KIAA0513: variants seen among roughly 807,000 people sequenced by gnomAD.
KIAA0513 encodes the protein KIAA0513, also known as uncharacterized protein KIAA0513.
In KIAA0513, 39 loss-of-function variants were observed where a neutral mutation model predicts 56.5. That is an observed-to-expected ratio of 0.69 (90% CI 0.53 to 0.90). The LOEUF (loss-of-function observed/expected upper bound fraction) is 0.90, where lower values mean the gene tolerates loss of function less well. Among genes scored for constraint, KIAA0513 ranks in the 40% least tolerant of loss-of-function variants. The pLI, the probability that KIAA0513 is intolerant of heterozygous loss-of-function variation, is 0.00. For synonymous variants in KIAA0513, 268 were observed against 215.6 expected, an observed-to-expected ratio of 1.24 and a Z score of -2.13; for missense variants, 591 against 535.2, an observed-to-expected ratio of 1.10 and a Z score of -1.03.
At chr16:85,058,453 G>C (rs2073359634) in intron 1 of KIAA0513, among the ~76,000 whole-genome samples, 1 of 152,156 alleles carries the variant, frequency 6.6e-6, no homozygotes, top group African/African-American at 2.4e-5. Context: ...AGGAGTTCGA[G>C]ACTAGCCTGA....
chr16:85,084,427 CT>C (rs201358764), intron 10 of KIAA0513, among the ~76,000 whole-genome samples: 35,839 of 93,394 alleles, frequency 0.38, 6,496 homozygotes, highest in Middle Eastern at 0.45. Flanking sequence ...TCTTTTCGTT[CT>C]CTTTTTTTTT....
intron 1 of KIAA0513, among the ~76,000 whole-genome samples, chr16:85,049,552 G>A (rs907120630): frequency 1.3e-5 from 2 of 152,272 alleles, no homozygotes; most frequent in Non-Finnish European, 2.9e-5. Flanking sequence ...TCGAGATAGC[G>A]AGTTCTCATG....
At chr16:85,084,164 C>G (rs2073780741) in intron 10 of KIAA0513, among the ~76,000 whole-genome samples, 1 of 149,554 alleles carries the variant, frequency 6.7e-6, no homozygotes, top group Non-Finnish European at 1.5e-5. Context: ...TGGGTTCAAG[C>G]GATTCTCCTG....
chr16:85,043,931 C>T (rs564319447), intron 1 of KIAA0513, among the ~76,000 whole-genome samples: 2 of 152,144 alleles, frequency 1.3e-5, no homozygotes, highest in African/African-American at 4.8e-5. Flanking sequence ...ACTCGGGAAG[C>T]TAAGGCAGGA....
In KIAA0513 at chr16:85,076,060, C is replaced by A. The variant is rs980168252; in HGVS notation, c.574+146C>A. 4 of 643,424 alleles carry A rather than the reference C, an allele frequency of 6.2e-6. No individual in the cohort carries two copies. The highest frequency in any genetic ancestry group is 2.8e-6 in the Non-Finnish European group (1 of 358,058). The allele number at this position is 643,424 out of a possible 1,614,324, so 39.9% of individuals were successfully genotyped here. Reference sequence around the variant, plus strand: ...AAGCTGATGTTAGGGAGGAGTGAGACTTCGGAGAAAACACAGTCCGAATCA... The same window carrying A: ...AAGCTGATGTTAGGGAGGAGTGAGAATTCGGAGAAAACACAGTCCGAATCA... On this transcript the variant is annotated intron_variant, in intron 5 of 12. Coordinates refer to ENST00000683363, the MANE Select transcript of KIAA0513 (RefSeq NM_001388359.1). This position sits in a 1 kb window ranked among gnomAD's most constrained non-coding sequence, Gnocchi z 4.7.
chr16:85,086,591 G>A (rs2073811302), intron 10 of KIAA0513, 53 bp from the exon 11 acceptor site: 3 of 1,553,914 alleles, frequency 1.9e-6, no homozygotes, highest in Non-Finnish European at 2.6e-6. Flanking sequence ...CGAGGAGCTG[G>A]GGCAAGGACA....
At chr16:85,066,502 A>T (rs1454287260) in intron 1 of KIAA0513, among the ~76,000 whole-genome samples, 1 of 152,118 alleles carries the variant, frequency 6.6e-6, no homozygotes, top group Non-Finnish European at 1.5e-5. Flanking sequence ...TGTCTTCCTC[A>T]GTAGGGAGGT....
chr16:85,086,854 CT>C, intron 11 of KIAA0513, 130 bp downstream of exon 11: 1 of 923,426 alleles, frequency 1.1e-6, no homozygotes, highest in African/African-American at 1.6e-5. Context: ...CACACTTGGC[CT>C]CCATGCCAGC....
intron 1 of KIAA0513, among the ~76,000 whole-genome samples, chr16:85,045,103 G>A (rs1354810289): frequency 6.6e-6 from 1 of 152,020 alleles, no homozygotes; most frequent in Admixed American, 6.5e-5. Flanking sequence ...GGGGGACAGA[G>A]CGAGACTCCG....
intron 1 of KIAA0513, among the ~76,000 whole-genome samples, chr16:85,040,156 G>A (rs1322475526): frequency 2.6e-5 from 4 of 152,208 alleles, no homozygotes; most frequent in African/African-American, 4.8e-5. Context: ...TCAACAGGAA[G>A]CAAGTGCAGA....
chr16:85,086,820 C>T (rs2073814982), intron 11 of KIAA0513, 96 bp downstream of exon 11: 1 of 1,154,816 alleles, frequency 8.7e-7, no homozygotes, highest in South Asian at 1.4e-5. Flanking sequence ...GTGATGTCAG[C>T]CTGCTCTGAG....
At chr16:85,039,359 G>C (rs1339289423) in intron 1 of KIAA0513, among the ~76,000 whole-genome samples, 3 of 152,212 alleles carry the variant, frequency 2.0e-5, no homozygotes, top group African/African-American at 7.2e-5. Flanking sequence ...CTGGAGTGCA[G>C]TTGCACGATC....
At chr16:85,087,413 G>A (rs896841901) in intron 12 of KIAA0513, among the ~76,000 whole-genome samples, 1 of 152,220 alleles carries the variant, frequency 6.6e-6, no homozygotes, top group African/African-American at 2.4e-5. Context: ...GCCATAGCCT[G>A]GGTGTTCACA....
At chr16:85,053,611 C>G (rs1397765954) in intron 1 of KIAA0513, among the ~76,000 whole-genome samples, 10 of 152,140 alleles carry the variant, frequency 6.6e-5, no homozygotes. Context: ...TAAGATTCAT[C>G]TTTATTTTAT....
chr16:85,077,927 C>T lies in KIAA0513; in HGVS notation c.782+295C>T, dbSNP rs373266338. Among the ~76,000 whole-genome samples the T allele has an allele frequency of 3.9e-5, 6 of 152,210 alleles. No individual in the cohort carries two copies. In the East Asian group the frequency reaches 1.2e-3, roughly 29 times the overall value. On this transcript the variant is annotated intron_variant, in intron 6 of 12. Coordinates refer to ENST00000683363, the MANE Select transcript of KIAA0513 (RefSeq NM_001388359.1). ...TCCCTTCTGTCTCCTCTGTCCCCTC[C>T]ATCCCCTGGCTGGACCAACAGTGAG...
chr16:85,093,546 C>G lies in KIAA0513; in HGVS notation c.*5221C>G, dbSNP rs1201047234. Reference sequence around the variant, plus strand: ...TGTCAGTAAATCCCCTGTGCATTGACTAGAACTGGGGGGCTGCGCCCGCTC... The same window carrying G: ...TGTCAGTAAATCCCCTGTGCATTGAGTAGAACTGGGGGGCTGCGCCCGCTC... On this transcript the variant is annotated 3_prime_UTR_variant, in exon 13 of 13. Coordinates refer to ENST00000683363, the MANE Select transcript of KIAA0513 (RefSeq NM_001388359.1). The G allele has an allele frequency of 6.6e-6, 1 of 152,630 alleles. No homozygotes were observed. Among genetic ancestry groups the G allele is most frequent in the African/African-American group, 2.4e-5 (1 of 41,458 alleles). 9.5% of individuals were successfully genotyped at this position (152,630 alleles called of 1,614,324 possible).
At chr16:85,067,751 G>C (rs2073509444) in intron 2 of KIAA0513, among the ~76,000 whole-genome samples, 1 of 152,036 alleles carries the variant, frequency 6.6e-6, no homozygotes, top group African/African-American at 2.4e-5. Context: ...CAGCTCACAG[G>C]TCCCCATCAT....
rs146658349 is a variant in KIAA0513, at chr16:85,035,653, A to G, written c.-173+7795A>G. Among the ~76,000 whole-genome samples, 90 of 152,018 alleles carry G rather than the reference A, an allele frequency of 5.9e-4. 1 individual carries two copies. The highest frequency in any genetic ancestry group is 1.8e-3 in the African/African-American group (75 of 41,490). On this transcript the variant is annotated intron_variant, in intron 1 of 12. Transcript: ENST00000683363. ...CTACAGGCATGTGCCACCATGCCCC[A>G]CTAATTTATTTTTATTTTTTATTTC... is the stretch of plus-strand genomic sequence containing the variant.
intron 1 of KIAA0513, among the ~76,000 whole-genome samples, chr16:85,057,267 A>G (rs146358221): frequency 5.3e-4 from 81 of 152,336 alleles, no homozygotes; most frequent in African/African-American, 1.9e-3. Context: ...TTATTGATCA[A>G]AAGACCAGTA....
Sources: gnomAD v4.1 joint callset for allele counts (sites outside exome capture counted in the v4.1 genomes callset) on GRCh38, gnomAD v4.1.1 for gene constraint, Gnocchi (gnomAD v3.1) non-coding constraint, MANE v1.5 for transcripts, NCBI Gene and HGNC (gene_info 2026-07-23, HGNC 2026-07-21) for gene names.